ADGRL3: variants seen among roughly 807,000 people sequenced by gnomAD.
The protein encoded by ADGRL3 is calcium-independent alpha-latrotoxin receptor 3.
In ADGRL3, 62 loss-of-function variants were observed where a neutral mutation model predicts 153.5. That is an observed-to-expected ratio of 0.40 (90% CI 0.33 to 0.50). ADGRL3 has a LOEUF of 0.50. ADGRL3 is among the 20% of genes least tolerant of loss of function. The probability of loss-of-function intolerance (pLI) is 0.47; values close to 1 mark genes in which losing one functional copy is unlikely to be tolerated. For synonymous variants in ADGRL3, 710 were observed against 672.5 expected, an observed-to-expected ratio of 1.06 and a Z score of -0.86; for missense variants, 1,641 against 1,859.4, an observed-to-expected ratio of 0.88 and a Z score of 2.16.
intron 15 of ADGRL3, among the ~76,000 whole-genome samples, chr4:61,946,133 A>C (rs2098922436): frequency 1.3e-5 from 2 of 152,220 alleles, no homozygotes; most frequent in South Asian, 4.1e-4. Flanking sequence ...ATTTTATAAG[A>C]AATTGTCAAA....
At chr4:61,995,148 C>A (rs1175318184) in intron 19 of ADGRL3, among the ~76,000 whole-genome samples, 1 of 151,726 alleles carries the variant, frequency 6.6e-6, no homozygotes, top group Admixed American at 6.6e-5. Context: ...TAGTGAATCA[C>A]CCTCCTTGGC....
At chr4:61,650,584 T>C (rs1372743913) in intron 5 of ADGRL3, among the ~76,000 whole-genome samples, 1 of 152,142 alleles carries the variant, frequency 6.6e-6, no homozygotes, top group East Asian at 1.9e-4. Flanking sequence ...GTGGTGGTGG[T>C]GTTTTATTTT....
At chr4:61,805,158 T>A (rs2097540918) in intron 8 of ADGRL3, among the ~76,000 whole-genome samples, 1 of 151,792 alleles carries the variant, frequency 6.6e-6, no homozygotes, top group African/African-American at 2.4e-5. Flanking sequence ...GGTTTCACTG[T>A]GTTTCGATCT....
rs186947629 is a variant in ADGRL3, at chr4:61,645,851, A to C, written c.474-30975A>C. The stretch of plus-strand genomic sequence containing the variant: ...TTGGCCTGCGTTGCTAGAATGGGGA[A>C]GTTCTCCTGGATAATATCCTGCAGA... On this transcript the variant is annotated intron_variant, in intron 5 of 26. Coordinates refer to ENST00000683033, the MANE Select transcript of ADGRL3 (RefSeq NM_001387552.1). 2.6e-5 allele frequency among the ~76,000 whole-genome samples: 4 copies of C among 152,264 alleles called. No homozygotes were observed. In the East Asian group the frequency reaches 7.7e-4, roughly 29 times the overall value.
At chr4:61,455,001 A>G (rs1305873132) in intron 2 of ADGRL3, among the ~76,000 whole-genome samples, 1 of 152,126 alleles carries the variant, frequency 6.6e-6, no homozygotes, top group Non-Finnish European at 1.5e-5. Flanking sequence ...CCAGTAGTAC[A>G]TTTTTCTTGT....
intron 4 of ADGRL3, among the ~76,000 whole-genome samples, chr4:61,580,597 T>G (rs757250935): frequency 4.7e-4 from 72 of 152,032 alleles, no homozygotes; most frequent in Admixed American, 1.6e-3. Flanking sequence ...AGGTTAGGAG[T>G]CCAGGAGTAG....
At chr4:61,707,342 C>T (rs2095873589) in intron 6 of ADGRL3, among the ~76,000 whole-genome samples, 3 of 152,162 alleles carry the variant, frequency 2.0e-5, no homozygotes, top group African/African-American at 7.2e-5. Flanking sequence ...TTGACTTGCT[C>T]CATTCTGGGT....
chr4:61,249,466 C>T (rs759275990), intron 1 of ADGRL3, among the ~76,000 whole-genome samples: 2 of 152,078 alleles, frequency 1.3e-5, no homozygotes, highest in Non-Finnish European at 2.9e-5. Flanking sequence ...TTGACTCTGG[C>T]GTTCATTCTC....
At chr4:61,556,927 A>T (rs1319906632) in intron 4 of ADGRL3, among the ~76,000 whole-genome samples, 1 of 152,118 alleles carries the variant, frequency 6.6e-6, no homozygotes, top group Non-Finnish European at 1.5e-5. Context: ...TGAGTTTTAG[A>T]CATATGGACA....
chr4:61,372,094 C>T (rs1560534964), intron 1 of ADGRL3, among the ~76,000 whole-genome samples: 1 of 152,034 alleles, frequency 6.6e-6, no homozygotes, highest in African/African-American at 2.4e-5. Flanking sequence ...CTCCTTTAAG[C>T]ACTTCTCTGT....
At chr4:61,828,549 T>A (rs776066789) in intron 9 of ADGRL3, among the ~76,000 whole-genome samples, 8 of 152,168 alleles carry the variant, frequency 5.3e-5, no homozygotes, top group Non-Finnish European at 1.0e-4. Context: ...CTTCAGAGTT[T>A]AAAAATCATC....
At chr4:61,510,339 A>T (rs2098456877) in intron 3 of ADGRL3, among the ~76,000 whole-genome samples, 1 of 152,082 alleles carries the variant, frequency 6.6e-6, no homozygotes, top group South Asian at 2.1e-4. Context: ...CTTAAGGCTG[A>T]TGTGAGAATG....
At chr4:61,856,559 C>T (rs1217898976) in intron 9 of ADGRL3, among the ~76,000 whole-genome samples, 1 of 132,362 alleles carries the variant, frequency 7.6e-6, no homozygotes, top group Admixed American at 7.8e-5. Context: ...CTCTCTCTGT[C>T]TCTCTCTCTC....
chr4:61,869,893 A>C (rs2098426667), intron 9 of ADGRL3, among the ~76,000 whole-genome samples: 1 of 140,206 alleles, frequency 7.1e-6, no homozygotes. Flanking sequence ...AGCTGAGATC[A>C]TGCCATTGCA....
At chr4:61,788,368 A>G (rs1011987787) in intron 8 of ADGRL3, among the ~76,000 whole-genome samples, 4 of 152,142 alleles carry the variant, frequency 2.6e-5, no homozygotes, top group African/African-American at 9.7e-5. Flanking sequence ...GACTCTTTGC[A>G]GATACTCCCT....
chr4:61,712,059 T>C (rs2151486221), intron 6 of ADGRL3, among the ~76,000 whole-genome samples: 1 of 152,202 alleles, frequency 6.6e-6, no homozygotes, highest in African/African-American at 2.4e-5. Flanking sequence ...CATTCCATAC[T>C]CAGTTACATT....
At position 61,733,562 on chromosome 4, in the gene ADGRL3, C is replaced by A; in HGVS notation, c.1399+8C>A. On this transcript the variant is annotated splice_region_variant and intron_variant, in intron 8 of 26. Transcript: ENST00000683033. ...CTCTGGATAGTAGATCAGGTAAGTT[C>A]AACCTTTTGTGGTACTCTTTGGGGA... is the stretch of plus-strand genomic sequence containing the variant. The A allele has an allele frequency of 6.3e-7, 1 of 1,585,380 alleles. No homozygotes were observed. Among genetic ancestry groups the A allele is most frequent in the South Asian group, 1.1e-5 (1 of 89,508 alleles).
chr4:61,927,756 C>T (rs2098800563), intron 13 of ADGRL3, among the ~76,000 whole-genome samples: 1 of 151,864 alleles, frequency 6.6e-6, no homozygotes, highest in Non-Finnish European at 1.5e-5. Flanking sequence ...TACAATGTGT[C>T]CTATTCAGTA....
intron 8 of ADGRL3, among the ~76,000 whole-genome samples, chr4:61,800,644 G>A (rs950363420): frequency 5.3e-5 from 8 of 152,118 alleles, no homozygotes; most frequent in African/African-American, 1.9e-4. Context: ...AGAAAATAAC[G>A]GAAGATACTT....
Sources: gnomAD v4.1 joint callset for allele counts (sites outside exome capture counted in the v4.1 genomes callset) on GRCh38, gnomAD v4.1.1 for gene constraint, MANE v1.5 for transcripts, NCBI Gene and HGNC (gene_info 2026-07-23, HGNC 2026-07-21) for gene names.